SLC35F1: variants seen among roughly 807,000 people sequenced by gnomAD.
The protein encoded by SLC35F1 is chromosome 6 open reading frame 169.
In SLC35F1, 14 loss-of-function variants were observed where a neutral mutation model predicts 48.7. The ratio of observed to expected loss-of-function variants is 0.29; its 90% CI spans 0.19 to 0.45. The LOEUF is 0.45. Ranked by LOEUF, SLC35F1 falls within the 20% of genes least tolerant of loss-of-function variation. The pLI is 1.00. For missense variants in SLC35F1, 404 were observed against 500.0 expected (o/e 0.81, Z 1.83); for synonymous variants, 190 against 202.2 (o/e 0.94, Z 0.51).
intron 2 of SLC35F1, among the ~76,000 whole-genome samples, chr6:118,182,451 C>T (rs554021762): frequency 4.1e-5 from 6 of 147,634 alleles, no homozygotes; most frequent in South Asian, 2.2e-4. Flanking sequence ...GTGTTCACAC[C>T]GCTGCACTCC....
intron 2 of SLC35F1, among the ~76,000 whole-genome samples, chr6:118,177,966 G>A (rs78201950): frequency 0.05 from 7,636 of 152,084 alleles, 312 homozygotes; most frequent in African/African-American, 0.11. Context: ...GCTACCTGCC[G>A]TGGTAGTACT....
chr6:117,980,064 T>A (rs1015245295), intron 1 of SLC35F1, among the ~76,000 whole-genome samples: 1 of 152,196 alleles, frequency 6.6e-6, no homozygotes, highest in Non-Finnish European at 1.5e-5. Flanking sequence ...TCGAATGGGT[T>A]TCTGTTTTAT....
At chr6:118,139,150 G>C (rs906776970) in intron 1 of SLC35F1, among the ~76,000 whole-genome samples, 1 of 152,072 alleles carries the variant, frequency 6.6e-6, no homozygotes, top group African/African-American at 2.4e-5. Flanking sequence ...TCTCGCTCTA[G>C]TGCCCAGGCT....
At chr6:118,278,083 G>A (rs1775939695) in intron 6 of SLC35F1, among the ~76,000 whole-genome samples, 1 of 152,210 alleles carries the variant, frequency 6.6e-6, no homozygotes, top group South Asian at 2.1e-4. Context: ...CACGCTTTGA[G>A]CTAGTTAATA....
At chr6:117,926,495 G>A (rs2114808361) in intron 1 of SLC35F1, among the ~76,000 whole-genome samples, 1 of 151,910 alleles carries the variant, frequency 6.6e-6, no homozygotes, top group South Asian at 2.1e-4. Flanking sequence ...AATTAAAAGA[G>A]GAGTGTGTGT....
At chr6:117,977,625 G>T (rs1315066355) in intron 1 of SLC35F1, among the ~76,000 whole-genome samples, 1 of 151,622 alleles carries the variant, frequency 6.6e-6, no homozygotes, top group African/African-American at 2.4e-5. Flanking sequence ...CTTCTAAAAT[G>T]AGCTCTTAAT....
chr6:118,223,477 GTCA>G (rs1434742072), intron 2 of SLC35F1, among the ~76,000 whole-genome samples: 2 of 152,200 alleles, frequency 1.3e-5, no homozygotes, highest in Non-Finnish European at 2.9e-5. Flanking sequence ...ATGTGGCAGA[GTCA>G]GTACTTTAAC....
At chr6:118,236,329 A>G (rs1446707548) in intron 3 of SLC35F1, among the ~76,000 whole-genome samples, 4 of 152,206 alleles carry the variant, frequency 2.6e-5, no homozygotes, top group Non-Finnish European at 5.9e-5. Flanking sequence ...ACTGTAAATG[A>G]TAAACTTAAC....
At chr6:118,215,785 C>T (rs1053600332) in intron 2 of SLC35F1, among the ~76,000 whole-genome samples, 1 of 152,180 alleles carries the variant, frequency 6.6e-6, no homozygotes, top group Non-Finnish European at 1.5e-5. Context: ...GTCTAATATA[C>T]AGATAGTTCT....
At chr6:118,144,496 T>C (rs1278732275) in intron 1 of SLC35F1, among the ~76,000 whole-genome samples, 1 of 151,040 alleles carries the variant, frequency 6.6e-6, no homozygotes, top group Non-Finnish European at 1.5e-5. Context: ...GCTTAATACC[T>C]AGGTGATAGG....
At chr6:117,974,643 G>T (rs1776683486) in intron 1 of SLC35F1, among the ~76,000 whole-genome samples, 1 of 152,108 alleles carries the variant, frequency 6.6e-6, no homozygotes, top group Non-Finnish European at 1.5e-5. Flanking sequence ...AATTATTAAA[G>T]ACCCAAAGAG....
At chr6:118,235,357 G>A in intron 2 of SLC35F1, 152 bp from the exon 3 acceptor site, 1 of 765,198 alleles carries the variant, frequency 1.3e-6, no homozygotes, top group Non-Finnish European at 2.0e-6. Context: ...ATAAAAACAT[G>A]TGGGTATCTG....
At chr6:118,305,048 A>ATGTG (rs758520455) in intron 7 of SLC35F1, among the ~76,000 whole-genome samples, 9,947 of 78,574 alleles carry the variant, frequency 0.13, 772 homozygotes, top group Middle Eastern at 0.19. Flanking sequence ...ATCAACAGGA[A>ATGTG]TGTGTGTGTG....
chr6:117,964,864 G>A (rs1014238386), intron 1 of SLC35F1, among the ~76,000 whole-genome samples: 6 of 152,186 alleles, frequency 3.9e-5, no homozygotes, highest in African/African-American at 1.4e-4. Context: ...GGAGACGGGA[G>A]GTCAGTCGCA....
chr6:118,063,164 A>G (rs1421931004), intron 1 of SLC35F1, among the ~76,000 whole-genome samples: 1 of 152,178 alleles, frequency 6.6e-6, no homozygotes, highest in Non-Finnish European at 1.5e-5. Flanking sequence ...ATACTTTCCC[A>G]TATATTGTTT....
At chr6:118,106,139 G>A (rs911115318) in intron 1 of SLC35F1, among the ~76,000 whole-genome samples, 4 of 152,036 alleles carry the variant, frequency 2.6e-5, no homozygotes, top group Non-Finnish European at 5.9e-5. Flanking sequence ...CCTATGACTG[G>A]TACCTGTCCT....
chr6:117,988,157 C>T (rs1776872326), intron 1 of SLC35F1, among the ~76,000 whole-genome samples: 1 of 152,072 alleles, frequency 6.6e-6, no homozygotes, highest in South Asian at 2.1e-4. Context: ...GTTTCGAGCC[C>T]CAGCAAAGAG....
intron 7 of SLC35F1, among the ~76,000 whole-genome samples, chr6:118,294,546 ATTG>A (rs992407302): frequency 6.6e-6 from 1 of 152,236 alleles, no homozygotes; most frequent in African/African-American, 2.4e-5. Flanking sequence ...TTGCCACAAA[ATTG>A]TTGTAATAAA....
chr6:118,262,617 T>G (rs911990007), intron 3 of SLC35F1, among the ~76,000 whole-genome samples: 6 of 152,198 alleles, frequency 3.9e-5, no homozygotes, highest in African/African-American at 1.4e-4. Context: ...CCAGTTCTAA[T>G]ACTAATTTGC....
Sources: gnomAD v4.1 joint callset for allele counts (sites outside exome capture counted in the v4.1 genomes callset) on GRCh38, gnomAD v4.1.1 for gene constraint, MANE v1.5 for transcripts, NCBI Gene and HGNC (gene_info 2026-07-23, HGNC 2026-07-21) for gene names.